Variants in CORO1B observed in about 807,000 individuals in gnomAD.
CORO1B encodes coronin-1B.
Under a neutral mutation model 51.1 loss-of-function variants are expected in CORO1B, and 30 were observed. That is an observed-to-expected ratio of 0.59 (90% CI 0.44 to 0.80). The LOEUF is 0.80. Ranked by LOEUF, CORO1B falls within the 30% of genes least tolerant of loss-of-function variation. The pLI is 0.00. For synonymous variants in CORO1B, 310 were observed against 289.7 expected (o/e 1.07, Z -0.71); for missense variants, 648 against 700.4 (o/e 0.93, Z 0.84).
Position 67,435,520 on chromosome 11 carries a change from A to C in CORO1B, c.*2856T>G. 2 of 716,144 alleles carry C rather than the reference A, an allele frequency of 2.8e-6. No homozygotes were observed. Among genetic ancestry groups the C allele is most frequent in the Non-Finnish European group, 4.4e-6 (2 of 457,926 alleles). The allele number at this position is 716,144 out of a possible 1,614,324, so 44.4% of individuals were successfully genotyped here. ...GTAGGACCACAGGGCCACAGGCTGA[A>C]GGAGTTTTATTTCAAATGGTTGCCT... On this transcript the variant is annotated 3_prime_UTR_variant, in exon 11 of 11. Coordinates refer to ENST00000341356, the MANE Select transcript of CORO1B (RefSeq NM_020441.3).
intron 10 of CORO1B, 26 bp from the exon 11 acceptor site, chr11:67,438,527 G>T (rs377161519): frequency 9.4e-6 from 15 of 1,592,800 alleles, no homozygotes; most frequent in South Asian, 2.2e-5. Context: ...GCAGGGGTAG[G>T]GGGCGGTGGT....
Position 67,436,590 on chromosome 11 carries a change from G to T in CORO1B, c.*1786C>A, listed in dbSNP as rs1268599624. 6 of 434,484 alleles carry T rather than the reference G, an allele frequency of 1.4e-5. No homozygotes were observed. The highest frequency in any genetic ancestry group is 2.4e-5 in the Non-Finnish European group (6 of 249,264). 26.9% of individuals were successfully genotyped at this position (434,484 alleles called of 1,614,324 possible). On this transcript the variant is annotated 3_prime_UTR_variant, in exon 11 of 11. Coordinates refer to ENST00000341356, the MANE Select transcript of CORO1B (RefSeq NM_020441.3). ...CCCCAACAGCTGCATTAAGCCACCT[G>T]CCTGGGGCCTTCGCACTGGCTGTTC...
rs1249318025 is a variant in CORO1B at position 67,436,474 on chromosome 11, C to T, written c.*1902G>A. On this transcript the variant is annotated 3_prime_UTR_variant, in exon 11 of 11. Transcript: ENST00000341356. ...TTGGGATCCTCTTGGGACAGCCAAG[C>T]AGAAAAGGCCAAGGCCTTATTTGGT... 1.7e-6 allele frequency: 2 copies of T among 1,152,214 alleles called. No individual in the cohort carries two copies. The highest frequency in any genetic ancestry group is 2.3e-6 in the Non-Finnish European group (2 of 856,230). The allele number at this position is 1,152,214 out of a possible 1,614,324, so 71.4% of individuals were successfully genotyped here.
chr11:67,438,660 C>T lies in CORO1B; in HGVS notation c.1344+11G>A, dbSNP rs766998871. On this transcript the variant is annotated intron_variant, in intron 10 of 10. Transcript: ENST00000341356. ...GGGCTCCCAGCACCACCCCTGCCTG[C>T]GCGTGCATACCCCGGCTCTGGCCAG... 1.6e-5 allele frequency: 25 copies of T among 1,527,208 alleles called. No homozygotes were observed. Among genetic ancestry groups the T allele is most frequent in the Admixed American group, 1.6e-4 (8 of 50,856 alleles). 94.6% of individuals were successfully genotyped at this position (1,527,208 alleles called of 1,614,324 possible). A position where few individuals can be genotyped will look rare whatever the true frequency, so the allele number is the denominator to read the frequency against.
chr11:67,440,981 A>G (rs980574276), intron 6 of CORO1B, 144 bp downstream of exon 6: 4 of 1,211,228 alleles, frequency 3.3e-6, no homozygotes, highest in African/African-American at 1.5e-5. Flanking sequence ...AGGAGAGGAA[A>G]GTCTGACAGA....
In CORO1B at chr11:67,438,420, G is replaced by T; in HGVS notation, c.1426C>A (p.Arg476Ser). The T allele has an allele frequency of 6.2e-7, 1 of 1,610,226 alleles. No individual in the cohort carries two copies. The highest frequency in any genetic ancestry group is 8.5e-7 in the Non-Finnish European group (1 of 1,178,104). ...ATGCGGCCCAGCTGCTCCTCCAGGC[G>T]GCAGATGCGGTCGCCCTGCTCCTTG... Reference protein sequence around the residue: ...LVKEQGDRICRLEEQLGRMEN... With the variant: ...LVKEQGDRICSLEEQLGRMEN... Residue 476 changes from arginine (R) to serine (S), a missense_variant, in exon 11 of 11, where the codon CGC (arginine) becomes AGC (serine). By Grantham distance (110) the Arg-to-Ser change is moderately radical. Transcript: ENST00000341356.
chr11:67,438,924 T>C lies in CORO1B; in HGVS notation c.1091A>G (p.Tyr364Cys), dbSNP rs1590985342. The C allele has an allele frequency of 6.2e-7, 1 of 1,607,594 alleles. No individual in the cohort carries two copies. Among genetic ancestry groups the C allele is most frequent in the Non-Finnish European group, 8.5e-7 (1 of 1,177,868 alleles). The change falls in exon 10 of 11, where the codon TAC (tyrosine) becomes TGC (cysteine). Residue 364 changes from tyrosine to cysteine, a missense_variant. Physicochemically the swap from Tyr to Cys is radical, Grantham distance 194. Coordinates refer to ENST00000341356, the MANE Select transcript of CORO1B (RefSeq NM_020441.3). ...TGCCTCGGGCCCGGCTGTGTCGGGG[T>C]ACAGATCATCCTGGAAGAGGTCCGA... Reference protein sequence around the residue: ...RKSDLFQDDLYPDTAGPEAAL... With the variant: ...RKSDLFQDDLCPDTAGPEAAL...
rs145877182 is a variant in CORO1B, at chr11:67,435,580, G to A, written c.*2796C>T. 218 of 1,192,016 alleles carry A rather than the reference G, an allele frequency of 1.8e-4. No individual in the cohort carries two copies. The African/African-American group carries it at 3.0e-3, about 16-fold the overall frequency. 73.8% of individuals were successfully genotyped at this position (1,192,016 alleles called of 1,614,324 possible). The stretch of plus-strand genomic sequence containing the variant: ...GGTTGGGGGGGGCCGTTCCCGTGGT[G>A]AGCGGGGTACACATGGACTTGGGAA... On this transcript the variant is annotated 3_prime_UTR_variant, in exon 11 of 11. Transcript: ENST00000341356.
At chr11:67,441,884 C>G (rs559490630) in intron 3 of CORO1B, 22 bp from the exon 4 acceptor site, 1 of 1,613,152 alleles carries the variant, frequency 6.2e-7, no homozygotes, top group East Asian at 2.2e-5. Context: ...ACAGGGCCAC[C>G]GAGCTCAGTC....
At chr11:67,443,296 C>T in intron 1 of CORO1B, 108 bp downstream of exon 1, 2 of 178,894 alleles carry the variant, frequency 1.1e-5, no homozygotes, top group Non-Finnish European at 2.2e-5. Flanking sequence ...AGAGGGGAGG[C>T]GAAAGGCTCC....
Position 67,437,487 on chromosome 11 carries a change from ATAC to A in CORO1B, c.*886_*888del. 8.9e-7 allele frequency: 1 copy of A among 1,120,716 alleles called. No individual in the cohort carries two copies. The highest frequency in any genetic ancestry group is 1.2e-6 in the Non-Finnish European group (1 of 848,004). 69.4% of individuals were successfully genotyped at this position (1,120,716 alleles called of 1,614,324 possible). ...GTGAGAGAAAGGTTCAGCCTCTGCC[ATAC>A]TCCTCTTAGGTCTCACCTCTTCCCT... On this transcript the variant is annotated 3_prime_UTR_variant, in exon 11 of 11. Transcript: ENST00000341356.
chr11:67,437,634 C>G lies in CORO1B; in HGVS notation c.*742G>C. On this transcript the variant is annotated 3_prime_UTR_variant, in exon 11 of 11. Coordinates refer to ENST00000341356, the MANE Select transcript of CORO1B (RefSeq NM_020441.3). ...AGGCTTACCATTGGTCCGCAGGCCCCTCCGTGCCGGGCACCCACCTCCAGC... is the reference window on the plus strand; with the variant it reads ...AGGCTTACCATTGGTCCGCAGGCCCGTCCGTGCCGGGCACCCACCTCCAGC... 7.3e-7 allele frequency: 1 copy of G among 1,366,176 alleles called. No homozygotes were observed. The highest frequency in any genetic ancestry group is 9.5e-7 in the Non-Finnish European group (1 of 1,051,180). 84.6% of individuals were successfully genotyped at this position (1,366,176 alleles called of 1,614,324 possible). A position where few individuals can be genotyped will look rare whatever the true frequency, so the allele number is the denominator to read the frequency against.
upstream of CORO1B, chr11:67,443,632 G>T (rs567432387): frequency 1.3e-6 from 1 of 774,578 alleles, no homozygotes; most frequent in Non-Finnish European, 1.6e-6. Flanking sequence ...GCCAGAGAGA[G>T]CCCCTTTCCT....
chr11:67,439,740 C>CT, intron 9 of CORO1B, 46 bp downstream of exon 9: 1 of 1,547,866 alleles, frequency 6.5e-7, no homozygotes, highest in East Asian at 2.4e-5. Context: ...GCATGGCCCG[C>CT]TTGCTGGAGA....
chr11:67,442,999 T>C (rs1248549945), intron 1 of CORO1B, among the ~76,000 whole-genome samples: 2 of 151,904 alleles, frequency 1.3e-5, no homozygotes, highest in Admixed American at 6.6e-5. Context: ...TCCTTCCTGC[T>C]CCCAGAGATT....
intron 6 of CORO1B, chr11:67,440,880 G>C: frequency 1.5e-6 from 1 of 657,150 alleles, no homozygotes; most frequent in African/African-American, 1.8e-5. Flanking sequence ...GGAGAGAAGG[G>C]CCCTTCCGTT....
chr11:67,437,524 T>C lies in CORO1B; in HGVS notation c.*852A>G. The C allele has an allele frequency of 2.3e-6, 3 of 1,288,528 alleles. No homozygotes were observed. The highest frequency in any genetic ancestry group is 5.9e-5 in the South Asian group (2 of 33,632). 79.8% of individuals were successfully genotyped at this position (1,288,528 alleles called of 1,614,324 possible). A position where few individuals can be genotyped will look rare whatever the true frequency, so the allele number is the denominator to read the frequency against. ...GGTCTCACCTCTTCCCTGGGGCCAA[T>C]GTGGGGCCCTCCTTAGCTCCACAGG... On this transcript the variant is annotated 3_prime_UTR_variant, in exon 11 of 11. Coordinates refer to ENST00000341356, the MANE Select transcript of CORO1B (RefSeq NM_020441.3).
chr11:67,441,549 G>T, intron 4 of CORO1B, 35 bp from the exon 5 acceptor site: 1 of 1,595,848 alleles, frequency 6.3e-7, no homozygotes. Context: ...GGGCCGGGTG[G>T]GTGGCAGGAG....
chr11:67,438,187 T>C lies in CORO1B; in HGVS notation c.*189A>G. On this transcript the variant is annotated 3_prime_UTR_variant, in exon 11 of 11. Coordinates refer to ENST00000341356, the MANE Select transcript of CORO1B (RefSeq NM_020441.3). ...CGAGGAGCTCGCCTGGGCGTAGACATCCTCCACAGGAACAGTGAGGAAAGC... is the reference window on the plus strand; with the variant it reads ...CGAGGAGCTCGCCTGGGCGTAGACACCCTCCACAGGAACAGTGAGGAAAGC... 1 of 641,676 alleles carries C rather than the reference T, an allele frequency of 1.6e-6. No homozygotes were observed. The highest frequency in any genetic ancestry group is 2.5e-6 in the Non-Finnish European group (1 of 401,184). 39.7% of individuals were successfully genotyped at this position (641,676 alleles called of 1,614,324 possible).
Sources: gnomAD v4.1 joint callset for allele counts (sites outside exome capture counted in the v4.1 genomes callset) on GRCh38, gnomAD v4.1.1 for gene constraint, MANE v1.5 for transcripts, NCBI Gene and HGNC (gene_info 2026-07-23, HGNC 2026-07-21) for gene names.